The following SUFU variants were observed in gnomAD, a reference collection of about 807,000 sequenced individuals.
The protein encoded by SUFU is SUFU negative regulator of hedgehog signaling, also known as suppressor of fused homolog.
In SUFU, 7 loss-of-function variants were observed where a neutral mutation model predicts 58.9. The observed-to-expected ratio is 0.12, with a 90% CI of 0.07 to 0.22. SUFU has a LOEUF of 0.22. SUFU is among the 10% of genes least tolerant of loss of function. SUFU has a pLI of 1.00. For synonymous variants in SUFU, 232 were observed against 254.8 expected (o/e 0.91, Z 0.85); for missense variants, 451 against 641.3 (o/e 0.70, Z 3.20).
Position 102,529,990 on chromosome 10 carries a change from G to A in SUFU, c.318-19980G>A, listed in dbSNP as rs555958376. On this transcript the variant is annotated intron_variant, in intron 2 of 11. Coordinates refer to ENST00000369902, the MANE Select transcript of SUFU (RefSeq NM_016169.4). ...AAAGGAAAGTTGCACACTAACTGCC[G>A]TGGAAGGGCACTTGCTAGGTGCCAG... Among the ~76,000 whole-genome samples the A allele has an allele frequency of 1.8e-4, 27 of 151,346 alleles. 1 individual carries two copies. Among genetic ancestry groups the A allele is most frequent in the African/African-American group, 3.4e-4 (14 of 41,300 alleles).
chr10:102,576,126 ATGAGGTACTGCAAC>A (rs1440847400), intron 3 of SUFU, among the ~76,000 whole-genome samples: 1 of 151,696 alleles, frequency 6.6e-6, no homozygotes, highest in Non-Finnish European at 1.5e-5. Flanking sequence ...GATTACAGGC[ATGAGGTACTGCAAC>A]TGACCTCAGA....
chr10:102,563,477 T>C (rs943528020), intron 3 of SUFU, among the ~76,000 whole-genome samples: 6 of 152,076 alleles, frequency 3.9e-5, no homozygotes, highest in African/African-American at 1.2e-4. Context: ...TTTGCCTCAA[T>C]AGAGTCTTGA....
intron 2 of SUFU, among the ~76,000 whole-genome samples, chr10:102,543,061 A>G (rs1011245386): frequency 1.1e-4 from 16 of 152,172 alleles, no homozygotes; most frequent in Admixed American, 1.0e-3. Flanking sequence ...GTATTTTGCA[A>G]TTATAAGTTC....
At chr10:102,549,894 G>T (rs1216780138) in intron 2 of SUFU, 76 bp from the exon 3 acceptor site, 2 of 1,587,730 alleles carry the variant, frequency 1.3e-6, no homozygotes, top group East Asian at 4.5e-5. Context: ...TAAAAAGGGG[G>T]AGAACTTTAG....
intron 8 of SUFU, 106 bp downstream of exon 8, chr10:102,599,650 G>A: frequency 1.0e-6 from 1 of 977,124 alleles, no homozygotes; most frequent in Non-Finnish European, 1.6e-6. Context: ...GCCCTTGCTG[G>A]ATGGGCCCAG....
At chr10:102,531,464 T>C (rs1383835411) in intron 2 of SUFU, among the ~76,000 whole-genome samples, 1 of 152,124 alleles carries the variant, frequency 6.6e-6, no homozygotes, top group Non-Finnish European at 1.5e-5. Flanking sequence ...ACCTTTCTTG[T>C]TGAGCTGATG....
At chr10:102,589,748 T>G (rs2063376246) in intron 3 of SUFU, among the ~76,000 whole-genome samples, 4 of 152,188 alleles carry the variant, frequency 2.6e-5, no homozygotes, top group African/African-American at 7.2e-5. Flanking sequence ...ACCTGGCCTT[T>G]TATTTTGTAC....
chr10:102,556,179 C>G (rs1033965), intron 3 of SUFU, among the ~76,000 whole-genome samples: 2 of 152,204 alleles, frequency 1.3e-5, no homozygotes, highest in East Asian at 1.9e-4. Flanking sequence ...GGGGCGGGGG[C>G]GGAGATGCCC....
At chr10:102,618,932 G>GTA (rs1491436288) in intron 10 of SUFU, 1 of 97,434 alleles carries the variant, frequency 1.0e-5, no homozygotes, top group Non-Finnish European at 2.3e-5. Flanking sequence ...CTCAGGTAGC[G>GTA]TGTGTGTGTG....
chr10:102,615,253 G>C lies in SUFU; in HGVS notation c.1023-15G>C. ...TTCACCTTGTGCCGAACCTTTTCCT[G>C]TGCTTGCTTCACAGGAGCCGCAAAG... On this transcript the variant is annotated splice_polypyrimidine_tract_variant and intron_variant, in intron 8 of 11. Coordinates refer to ENST00000369902, the MANE Select transcript of SUFU (RefSeq NM_016169.4). 1 of 1,614,062 alleles carries C rather than the reference G, an allele frequency of 6.2e-7. No homozygotes were observed. Among genetic ancestry groups the C allele is most frequent in the Non-Finnish European group, 8.5e-7 (1 of 1,180,008 alleles).
intron 3 of SUFU, chr10:102,573,078 T>G: frequency 1.3e-6 from 1 of 786,196 alleles, no homozygotes; most frequent in South Asian, 1.3e-5. Context: ...CGCAGTGTCT[T>G]GGGCCGCTGG....
intron 3 of SUFU, among the ~76,000 whole-genome samples, chr10:102,568,897 AAT>A (rs1208688793): frequency 2.9e-4 from 5 of 17,038 alleles, no homozygotes; most frequent in South Asian, 1.9e-3. Flanking sequence ...AAAAAAAAAA[AAT>A]ATATATATAT....
chr10:102,589,048 A>G (rs2135854386), intron 3 of SUFU, among the ~76,000 whole-genome samples: 1 of 152,124 alleles, frequency 6.6e-6, no homozygotes, highest in South Asian at 2.1e-4. Flanking sequence ...CCAGCCTCCC[A>G]GATAGCTGCA....
intron 3 of SUFU, among the ~76,000 whole-genome samples, chr10:102,572,483 G>A (rs1003756475): frequency 1.0e-4 from 14 of 138,154 alleles, no homozygotes; most frequent in African/African-American, 3.5e-4. Flanking sequence ...TCTGCCACCC[G>A]GGTTCAAGCA....
intron 3 of SUFU, among the ~76,000 whole-genome samples, chr10:102,586,715 T>G (rs1198847612): frequency 6.6e-6 from 1 of 152,224 alleles, no homozygotes; most frequent in East Asian, 1.9e-4. Context: ...ACATAAAATT[T>G]ATCATTTTAA....
chr10:102,537,979 G>A (rs926258086), intron 2 of SUFU, among the ~76,000 whole-genome samples: 1 of 152,166 alleles, frequency 6.6e-6, no homozygotes, highest in African/African-American at 2.4e-5. Context: ...CCGCCATACT[G>A]TTTTCCATAG....
chr10:102,624,858 C>T (rs113109323), intron 10 of SUFU, among the ~76,000 whole-genome samples: 2 of 152,312 alleles, frequency 1.3e-5, no homozygotes, highest in African/African-American at 4.8e-5. Flanking sequence ...GCCCCTCTTC[C>T]TGTCCTCCCT....
At chr10:102,593,858 C>G (rs1198917423) in intron 5 of SUFU, 135 bp from the exon 6 acceptor site, 46 of 1,360,754 alleles carry the variant, frequency 3.4e-5, no homozygotes, top group Middle Eastern at 2.4e-4. Flanking sequence ...CCTGACGACT[C>G]ACTCCCTGAC....
At chr10:102,572,658 G>T in intron 3 of SUFU, 2 of 549,282 alleles carry the variant, frequency 3.6e-6, no homozygotes, top group Non-Finnish European at 6.8e-6. Flanking sequence ...AAACTGCTGA[G>T]ATTACAGGTG....
Sources: gnomAD v4.1 joint callset for allele counts (sites outside exome capture counted in the v4.1 genomes callset) on GRCh38, gnomAD v4.1.1 for gene constraint, MANE v1.5 for transcripts, NCBI Gene and HGNC (gene_info 2026-07-23, HGNC 2026-07-21) for gene names.